Variants in CD48 observed in about 807,000 individuals in gnomAD.
CD48 encodes CD48 antigen.
Under a neutral mutation model 22.0 loss-of-function variants are expected in CD48, and 20 were observed. The observed-to-expected ratio is 0.91, with a 90% CI of 0.64 to 1.32. CD48 has a LOEUF of 1.32. CD48 is among the 40% of genes most tolerant of loss of function. The probability of loss-of-function intolerance (pLI) is 0.00; values close to 1 mark genes in which losing one functional copy is unlikely to be tolerated. For missense variants in CD48, 307 were observed against 286.5 expected, an observed-to-expected ratio of 1.07 and a Z score of -0.52; for synonymous variants, 110 against 110.1, an observed-to-expected ratio of 1.00 and a Z score of 0.01.
At position 160,685,012 on chromosome 1, in the gene CD48, A is replaced by C; in HGVS notation, c.260T>G (p.Leu87Arg). 8.1e-6 allele frequency: 13 copies of C among 1,614,176 alleles called. No individual in the cohort carries two copies. Among genetic ancestry groups the C allele is most frequent in the Non-Finnish European group, 1.1e-5 (13 of 1,179,986 alleles). The change falls in exon 2 of 4, where the codon CTT (leucine) becomes CGT (arginine). Residue 87 changes from leucine to arginine, a missense_variant. Coordinates refer to ENST00000368046, the MANE Select transcript of CD48 (RefSeq NM_001778.4). ...GTACAGTGCGCCACTCTGAGGATCA[A>C]GTCTGACCCTGCCTTTAAATTTGGA... ...FESKFKGRVR[L>R]DPQSGALYIS...
At chr1:160,684,787 T>A (rs1244870412) in intron 2 of CD48, 100 bp downstream of exon 2, 1 of 1,613,206 alleles carries the variant, frequency 6.2e-7, no homozygotes, top group East Asian at 2.2e-5. Flanking sequence ...GGTTTTTCTC[T>A]CCTCCTCCCC....
intron 1 of CD48, among the ~76,000 whole-genome samples, chr1:160,692,531 C>T (rs760917056): frequency 6.6e-5 from 10 of 151,892 alleles, no homozygotes; most frequent in Non-Finnish European, 8.8e-5. Context: ...TACTGGCCAC[C>T]GGCCGAACTT....
chr1:160,703,371 G>A (rs1300958538), intron 1 of CD48, among the ~76,000 whole-genome samples: 4 of 152,128 alleles, frequency 2.6e-5, no homozygotes, highest in South Asian at 4.1e-4. Flanking sequence ...TTTTAAAAAA[G>A]GTAAGATTGA....
intron 1 of CD48, among the ~76,000 whole-genome samples, chr1:160,690,393 G>A (rs1662166543): frequency 6.6e-6 from 1 of 152,228 alleles, no homozygotes; most frequent in Admixed American, 6.5e-5. Context: ...AGCATTAGGA[G>A]TTAGGCCTCT....
chr1:160,679,936 A>T (rs1371327481), intron 3 of CD48, among the ~76,000 whole-genome samples: 1 of 152,200 alleles, frequency 6.6e-6, no homozygotes, highest in Non-Finnish European at 1.5e-5. Context: ...ACACTGTCAC[A>T]GTGGGTCTGT....
rs774562698 is a variant in CD48 at position 160,684,919 on chromosome 1, T to C, written c.353A>G (p.Glu118Gly). Residue 118 changes from glutamate (E) to glycine (G), a missense_variant, in exon 2 of 4, where the codon GAG (glutamate) becomes GGG (glycine). Glu to Gly is a moderately conservative substitution (Grantham distance 98). Coordinates refer to ENST00000368046, the MANE Select transcript of CD48 (RefSeq NM_001778.4). ...TTGCAGCTTGATCTTCCATTCTTGC[T>C]CATTCCCAGTCTTTTTCAACACCCT... ...IMRVLKKTGN[E>G]QEWKIKLQVL... is the part of the protein sequence containing the mutation. 6.2e-7 allele frequency: 1 copy of C among 1,614,166 alleles called. No homozygotes were observed. Among genetic ancestry groups the C allele is most frequent in the Non-Finnish European group, 8.5e-7 (1 of 1,180,028 alleles).
intron 1 of CD48, among the ~76,000 whole-genome samples, chr1:160,697,254 T>C (rs1305169785): frequency 1.3e-5 from 2 of 152,302 alleles, no homozygotes; most frequent in African/African-American, 4.8e-5. Context: ...CAGCTTCCTG[T>C]TTGGATACCC....
At chr1:160,686,271 G>A (rs1024126983) in intron 1 of CD48, among the ~76,000 whole-genome samples, 5 of 152,264 alleles carry the variant, frequency 3.3e-5, no homozygotes, top group African/African-American at 1.2e-4. Context: ...TGATAGACAG[G>A]AGGGCAGGAG....
chr1:160,701,536 T>C (rs538926763), intron 1 of CD48, among the ~76,000 whole-genome samples: 50 of 152,228 alleles, frequency 3.3e-4, no homozygotes, highest in Non-Finnish European at 6.2e-4. Context: ...AGCCCTGTTT[T>C]CTTTTATAGT....
chr1:160,687,095 C>T (rs144118454), intron 1 of CD48, among the ~76,000 whole-genome samples: 1,765 of 152,220 alleles, frequency 0.012, 29 homozygotes, highest in African/African-American at 0.041. Flanking sequence ...AAGCCTATAC[C>T]TCCAGGCGCG....
chr1:160,705,930 T>C (rs1662780605), intron 1 of CD48, among the ~76,000 whole-genome samples: 1 of 152,106 alleles, frequency 6.6e-6, no homozygotes, highest in Non-Finnish European at 1.5e-5. Context: ...AGGGACAAAA[T>C]TCTCCCACAT....
At chr1:160,700,756 T>C (rs573020791) in intron 1 of CD48, among the ~76,000 whole-genome samples, 54 of 152,268 alleles carry the variant, frequency 3.5e-4, no homozygotes, top group African/African-American at 1.3e-3. Flanking sequence ...ACCTAAAAGT[T>C]TGTGGAAGTC....
At chr1:160,711,653 A>G in intron 1 of CD48, 29 bp downstream of exon 1, 1 of 1,554,042 alleles carries the variant, frequency 6.4e-7, no homozygotes, top group South Asian at 1.1e-5. Context: ...TCAGTGCACA[A>G]TCACAGATAC....
chr1:160,699,746 G>T (rs498940), intron 1 of CD48: 1 of 151,554 alleles, frequency 6.6e-6, no homozygotes, highest in Non-Finnish European at 1.5e-5. Context: ...ATGATGCAAA[G>T]ACCTTTGTTC....
intron 1 of CD48, chr1:160,699,534 A>G (rs1662553569): frequency 6.6e-6 from 1 of 152,308 alleles, no homozygotes; most frequent in Admixed American, 6.5e-5. Flanking sequence ...AGAGAAGAGG[A>G]AGACATCTGT....
intron 1 of CD48, among the ~76,000 whole-genome samples, chr1:160,686,866 C>T (rs997004410): frequency 3.3e-5 from 5 of 152,050 alleles, no homozygotes; most frequent in Admixed American, 2.6e-4. Context: ...ACCACAGGAC[C>T]GAGGTGAAAT....
chr1:160,697,667 A>T (rs1662480859), intron 1 of CD48, among the ~76,000 whole-genome samples: 1 of 152,244 alleles, frequency 6.6e-6, no homozygotes, highest in Non-Finnish European at 1.5e-5. Flanking sequence ...ACCTAAAGGG[A>T]AAACTTGCCC....
chr1:160,685,176 A>T lies in CD48; in HGVS notation c.96T>A (p.His32Gln), dbSNP rs776803087. 6.2e-7 allele frequency: 1 copy of T among 1,607,350 alleles called. No homozygotes were observed. Among genetic ancestry groups the T allele is most frequent in the South Asian group, 1.1e-5 (1 of 90,646 alleles). The change falls in exon 2 of 4, where the codon CAT (histidine) becomes CAA (glutamine). Residue 32 changes from histidine to glutamine, a missense_variant. Coordinates refer to ENST00000368046, the MANE Select transcript of CD48 (RefSeq NM_001778.4). ...CGTTGCTGCCGGAGACCACGGTCAT[A>T]TGTACCAAGTGACCTGCCAATGAGA... ...LVTSIQGHLVHMTVVSGSNVT... is the reference protein window; with the variant it reads ...LVTSIQGHLVQMTVVSGSNVT...
chr1:160,694,213 T>C (rs1453601682), intron 1 of CD48, among the ~76,000 whole-genome samples: 2 of 152,204 alleles, frequency 1.3e-5, no homozygotes, highest in African/African-American at 2.4e-5. Context: ...TCCTGCCATA[T>C]ATTAAGGTTG....
Sources: gnomAD v4.1 joint callset for allele counts (sites outside exome capture counted in the v4.1 genomes callset) on GRCh38, gnomAD v4.1.1 for gene constraint, MANE v1.5 for transcripts, NCBI Gene and HGNC (gene_info 2026-07-23, HGNC 2026-07-21) for gene names.